The following TCF7 variants were observed in gnomAD, a reference collection of about 807,000 sequenced individuals.
TCF7 encodes the protein T-cell-factor-7.
TCF7 carries 19 observed loss-of-function variants against 46.8 expected under a neutral mutation model. The observed-to-expected ratio is 0.41, with a 90% confidence interval of 0.28 to 0.60. The LOEUF is 0.60. Ranked by LOEUF, TCF7 falls within the 20% of genes least tolerant of loss-of-function variation. TCF7 has a pLI of 0.35. For missense variants in TCF7, 547 were observed against 504.6 expected (o/e 1.08, Z -0.81); for synonymous variants, 245 against 213.4 (o/e 1.15, Z -1.29).
At chr5:134,146,072 A>G (rs1221783679) in intron 9 of TCF7, 152 bp from the exon 10 acceptor site, 14 of 1,580,352 alleles carry the variant, frequency 8.9e-6, no homozygotes, top group African/African-American at 1.4e-5. Flanking sequence ...ACCAAGCAGA[A>G]TGGCAGTCTG....
At chr5:134,127,879 C>G (rs1233236001) in intron 3 of TCF7, among the ~76,000 whole-genome samples, 1 of 152,198 alleles carries the variant, frequency 6.6e-6, no homozygotes, top group South Asian at 2.1e-4. Context: ...TTGGGACATA[C>G]TTGCTTTTGA....
chr5:134,118,975 G>A (rs1197877185), intron 3 of TCF7, among the ~76,000 whole-genome samples: 1 of 152,134 alleles, frequency 6.6e-6, no homozygotes, highest in Non-Finnish European at 1.5e-5. Flanking sequence ...GTAGCAATGG[G>A]TCTCACTGTG....
chr5:134,145,577 G>A lies in TCF7; in HGVS notation c.1076-647G>A, dbSNP rs1367367176. 7.0e-6 allele frequency: 5 copies of A among 711,472 alleles called. No individual in the cohort carries two copies. In the East Asian group the frequency reaches 1.1e-4, roughly 16 times the overall value. 44.1% of individuals were successfully genotyped at this position (711,472 alleles called of 1,614,324 possible). ...GATAGAGGGTACTCCAGGCAGTAAG[G>A]CCACTGGCTCTAAGGAACACTTGTC... On this transcript the variant is annotated intron_variant, in intron 9 of 9. Transcript: ENST00000342854.
At chr5:134,145,718 T>G in intron 9 of TCF7, 2 of 1,613,262 alleles carry the variant, frequency 1.2e-6, no homozygotes, top group South Asian at 2.2e-5. Flanking sequence ...TCAGGGGAAG[T>G]TCTATTCCAT....
intron 3 of TCF7, among the ~76,000 whole-genome samples, chr5:134,133,891 T>A (rs931395723): frequency 6.6e-6 from 1 of 152,176 alleles, no homozygotes; most frequent in African/African-American, 2.4e-5. Flanking sequence ...ATCACATGCA[T>A]ATGTACCAGG....
At chr5:134,112,229 AC>A (rs1177026060), upstream of TCF7, among the ~76,000 whole-genome samples, 1 of 151,946 alleles carries the variant, frequency 6.6e-6, no homozygotes, top group Non-Finnish European at 1.5e-5. Context: ...CATTGATCTC[AC>A]CATATCTGAG....
At chr5:134,142,038 CTG>C (rs1759867074) in intron 5 of TCF7, 145 bp from the exon 6 acceptor site, 1 of 1,103,434 alleles carries the variant, frequency 9.1e-7, no homozygotes, top group South Asian at 1.7e-5. Context: ...GTATTTATCT[CTG>C]TGTACTTATG....
intron 3 of TCF7, among the ~76,000 whole-genome samples, chr5:134,133,160 G>A (rs1310602703): frequency 1.3e-5 from 2 of 152,156 alleles, no homozygotes; most frequent in African/African-American, 2.4e-5. Flanking sequence ...GAGACAGAGG[G>A]GCAAAGGCAA....
At chr5:134,112,408 G>T (rs1010935041), upstream of TCF7, among the ~76,000 whole-genome samples, 2 of 152,178 alleles carry the variant, frequency 1.3e-5, no homozygotes, top group Non-Finnish European at 2.9e-5. Context: ...CCCTTAGCAA[G>T]CCTTCAGACT....
chr5:134,114,702 A>T lies in TCF7; in HGVS notation c.-205A>T. The T allele has an allele frequency of 4.5e-6, 1 of 220,230 alleles. No homozygotes were observed. Among genetic ancestry groups the T allele is most frequent in the Non-Finnish European group, 6.9e-6 (1 of 144,716 alleles). The allele number at this position is 220,230 out of a possible 1,614,324, so 13.6% of individuals were successfully genotyped here. On this transcript the variant is annotated 5_prime_UTR_variant, in exon 1 of 10. It removes an upstream start codon present in the reference 5' UTR. Transcript: ENST00000342854. ...CGGCACTCGGCCGGCGGCGCCTTTG[A>T]TGTTCCGACCCGCCAGCTCGCGGAG...
chr5:134,145,341 G>A (rs1448853788), intron 9 of TCF7: 2 of 542,372 alleles, frequency 3.7e-6, no homozygotes, highest in Admixed American at 1.9e-5. Context: ...TGGTTGCCAG[G>A]TAGCCTTATG....
chr5:134,116,190 G>A (rs1755817057), intron 3 of TCF7, 157 bp downstream of exon 3: 1 of 1,406,406 alleles, frequency 7.1e-7, no homozygotes, highest in African/African-American at 1.5e-5. Flanking sequence ...GAACCAAAAG[G>A]AGAACTTTGC....
At position 134,146,746 on chromosome 5, in the gene TCF7, T is replaced by C; in HGVS notation, c.*443T>C. ...TTGATGTGTCATCTAATTAAGGGAA[T>C]CCCTTGTACCTATGGCTGCCTGCAT... On this transcript the variant is annotated 3_prime_UTR_variant, in exon 10 of 10. Coordinates refer to ENST00000342854, the MANE Select transcript of TCF7 (RefSeq NM_003202.5). 2 of 572,846 alleles carry C rather than the reference T, an allele frequency of 3.5e-6. No homozygotes were observed. The highest frequency in any genetic ancestry group is 6.1e-6 in the Non-Finnish European group (2 of 326,006). 35.5% of individuals were successfully genotyped at this position (572,846 alleles called of 1,614,324 possible). A position where few individuals can be genotyped will look rare whatever the true frequency, so the allele number is the denominator to read the frequency against.
chr5:134,128,217 C>T (rs1202591371), intron 3 of TCF7, among the ~76,000 whole-genome samples: 1 of 152,238 alleles, frequency 6.6e-6, no homozygotes, highest in East Asian at 1.9e-4. Context: ...TCACTCTCTG[C>T]CCTGTTTGCG....
intron 5 of TCF7, chr5:134,140,924 C>G (rs988485103): frequency 8.3e-6 from 3 of 362,356 alleles, no homozygotes; most frequent in Non-Finnish European, 1.6e-5. Flanking sequence ...CTCCTGCTTC[C>G]TGTTGCCCAG....
chr5:134,115,772 T>A (rs1580786401), intron 2 of TCF7, 137 bp from the exon 3 acceptor site: 4 of 1,489,698 alleles, frequency 2.7e-6, no homozygotes, highest in Non-Finnish European at 3.6e-6. Flanking sequence ...GCACTGCCGA[T>A]ACTCCCAGCC....
chr5:134,114,256 ACAGCCTCAAG>A (rs1240232995), upstream of TCF7, among the ~76,000 whole-genome samples: 3 of 152,096 alleles, frequency 2.0e-5, no homozygotes, highest in Non-Finnish European at 2.9e-5. Flanking sequence ...GGGTACGAGC[ACAGCCTCAAG>A]CAGCCTCAAG....
intron 3 of TCF7, among the ~76,000 whole-genome samples, chr5:134,135,493 G>A (rs147831890): frequency 3.9e-5 from 6 of 152,296 alleles, no homozygotes; most frequent in Admixed American, 2.6e-4. Flanking sequence ...GACACATTTT[G>A]AAGGTAGAGC....
chr5:134,124,001 G>T (rs1371781793), intron 3 of TCF7, among the ~76,000 whole-genome samples: 1 of 152,106 alleles, frequency 6.6e-6, no homozygotes, highest in Non-Finnish European at 1.5e-5. Flanking sequence ...TGACCCTCAT[G>T]CTCTCTCGGG....
Sources: allele counts gnomAD v4.1 joint callset (sites outside exome capture counted in the v4.1 genomes callset), GRCh38; gene constraint gnomAD v4.1.1; transcripts MANE v1.5; gene names NCBI Gene and HGNC (gene_info 2026-07-23, HGNC 2026-07-21).